HK3: variants seen among roughly 807,000 people sequenced by gnomAD.
HK3 encodes the protein hexokinase-3.
HK3 carries 93 observed loss-of-function variants against 91.0 expected under a neutral mutation model. That is an observed-to-expected ratio of 1.02 (90% confidence interval 0.86 to 1.21). The LOEUF is 1.21. HK3 is among the 50% of genes most tolerant of loss of function. The pLI is 0.00. For missense variants in HK3, 1,235 were observed against 1,247.4 expected, an observed-to-expected ratio of 0.99 and a Z score of 0.15; for synonymous variants, 519 against 516.9, an observed-to-expected ratio of 1.00 and a Z score of -0.06.
chr5:176,898,384 A>G (rs1758958130), intron 1 of HK3, among the ~76,000 whole-genome samples: 1 of 152,212 alleles, frequency 6.6e-6, no homozygotes, highest in African/African-American at 2.4e-5. Context: ...CTGAGTTTCC[A>G]AATCTGTCAA....
chr5:176,891,296 A>G, intron 3 of HK3, 92 bp downstream of exon 3: 1 of 1,607,586 alleles, frequency 6.2e-7, no homozygotes, highest in Non-Finnish European at 8.5e-7. Context: ...AAGGGGCCAT[A>G]GAGATGGGGG....
At position 176,887,895 on chromosome 5, in the gene HK3, C is replaced by T; in HGVS notation, c.1305-149G>A. On this transcript the variant is annotated intron_variant, in intron 10 of 18. Coordinates refer to ENST00000292432, the MANE Select transcript of HK3 (RefSeq NM_002115.3). This position sits in a 1 kb window ranked among gnomAD's most constrained non-coding sequence, Gnocchi z 4.9. ...GGCCTCCTGAAGCCCAAGGCCCCAT[C>T]ACTTTTTTTTTTTTATTTTTGTAGA... 1.4e-6 allele frequency: 1 copy of T among 707,412 alleles called. No homozygotes were observed. Among genetic ancestry groups the T allele is most frequent in the East Asian group, 2.7e-5 (1 of 36,368 alleles). 43.8% of individuals were successfully genotyped at this position (707,412 alleles called of 1,614,324 possible). A position where few individuals can be genotyped will look rare whatever the true frequency, so the allele number is the denominator to read the frequency against.
chr5:176,882,623 C>T (rs1367116826), intron 15 of HK3, among the ~76,000 whole-genome samples: 1 of 152,208 alleles, frequency 6.6e-6, no homozygotes, highest in Admixed American at 6.5e-5. Flanking sequence ...CTCTGTGCCC[C>T]CGTGGAAGCA....
Position 176,891,155 on chromosome 5 carries a change from G to A in HK3, c.296C>T (p.Thr99Ile), listed in dbSNP as rs774263133. ...CCACAAAACACGCAGTGAGGCCCCT[G>A]TGGCCCCCAGCTCCAGCACCACGAA... The part of the protein sequence containing the change: ...GDFVVLELGA[T>I]GASLRVLWVT... The change falls in exon 4 of 19, where the codon ACA becomes ATA. Residue 99 changes from threonine to isoleucine, a missense_variant. By Grantham distance (89) the Thr-to-Ile change is moderately conservative. Transcript: ENST00000292432. 3.1e-6 allele frequency: 5 copies of A among 1,614,030 alleles called. No individual in the cohort carries two copies. The highest frequency in any genetic ancestry group is 4.2e-6 in the Non-Finnish European group (5 of 1,180,050).
In HK3 at chr5:176,884,861, A is replaced by AG. The variant is rs1463486791; in HGVS notation, c.1858-728dup. Among the ~76,000 whole-genome samples the AG allele has an allele frequency of 1.3e-5, 2 of 152,222 alleles. No homozygotes were observed. The highest frequency in any genetic ancestry group is 2.9e-5 in the Non-Finnish European group (2 of 68,026). On this transcript the variant is annotated intron_variant, in intron 13 of 18. Transcript: ENST00000292432. This position sits in a 1 kb window ranked among gnomAD's most constrained non-coding sequence, Gnocchi z 4.1. ...TGCTTTGCTCAGAGGAGGAGCATGG[A>AG]GGGTAGGTCAGGAAATCTTTGGGGC...
chr5:176,889,749 A>T lies in HK3; in HGVS notation c.631-5T>A, dbSNP rs1758715535. 1 of 1,613,502 alleles carries T rather than the reference A, an allele frequency of 6.2e-7. No homozygotes were observed. The highest frequency in any genetic ancestry group is 8.5e-7 in the Non-Finnish European group (1 of 1,179,682). ...AACCACGTCGATGTTGTAGGCCTAG[A>T]TGATGAAGAGGGCAGAGGTCAAGGC... is the stretch of plus-strand genomic sequence containing the variant. On this transcript the variant is annotated splice_region_variant and splice_polypyrimidine_tract_variant and intron_variant, in intron 6 of 18. Transcript: ENST00000292432.
In HK3 at chr5:176,881,494, T is replaced by A. The variant is rs756806981; in HGVS notation, c.2435A>T (p.Asp812Val). 9.3e-6 allele frequency: 15 copies of A among 1,606,282 alleles called. 1 individual carries two copies. In the East Asian group the frequency reaches 2.7e-4, roughly 29 times the overall value. ...ALRQVRAILE[D>V]LGLPLTSDDA... ...ATCTGAGGTCAGGGGTAGCCCCAGATCCTCTAGGATGGCTCGGACCTGCCG... is the reference window on the plus strand; with the variant it reads ...ATCTGAGGTCAGGGGTAGCCCCAGAACCTCTAGGATGGCTCGGACCTGCCG... Residue 812 changes from aspartate (D) to valine (V), a missense_variant, in exon 18 of 19, where the codon GAT becomes GTT. Asp to Val is a radical substitution (Grantham distance 152). Around this residue, in one of 3 missense-constraint regions of HK3, gnomAD observed 513 missense variants for 477.4 expected, o/e 1.07. Coordinates refer to ENST00000292432, the MANE Select transcript of HK3 (RefSeq NM_002115.3).
chr5:176,896,053 G>A lies in HK3; in HGVS notation c.96+11C>T. On this transcript the variant is annotated intron_variant, in intron 2 of 18. Coordinates refer to ENST00000292432, the MANE Select transcript of HK3 (RefSeq NM_002115.3). The stretch of plus-strand genomic sequence containing the variant: ...GACAAGCATGAAACAGGAACCCAGT[G>A]CTGAACTTACCAGCTCTGAGCTGTC... 6.2e-7 allele frequency: 1 copy of A among 1,610,820 alleles called. No homozygotes were observed. The highest frequency in any genetic ancestry group is 8.5e-7 in the Non-Finnish European group (1 of 1,177,024).
At chr5:176,898,790 C>G (rs1758969363) in intron 1 of HK3, among the ~76,000 whole-genome samples, 1 of 152,192 alleles carries the variant, frequency 6.6e-6, no homozygotes. Context: ...AGTTTTCCTC[C>G]TGAAAAGTAC....
chr5:176,883,793 C>T lies in HK3; in HGVS notation c.2030G>A (p.Arg677His), dbSNP rs780995517. 49 of 1,613,856 alleles carry T rather than the reference C, an allele frequency of 3.0e-5. No homozygotes were observed. The highest frequency in any genetic ancestry group is 2.5e-4 in the Admixed American group (15 of 60,006). ...ACCGACAATGAGGCCTATCTCGCAA[C>T]GGGGGTCCTCATAGCCACAGGACAT... is the stretch of plus-strand genomic sequence containing the variant. ...TMMSCGYEDP[R>H]CEIGLIVGTG... Residue 677 changes from arginine to histidine, a missense_variant, in exon 15 of 19, where the codon CGT (arginine) becomes CAT (histidine). Coordinates refer to ENST00000292432, the MANE Select transcript of HK3 (RefSeq NM_002115.3).
In HK3 at chr5:176,891,100, C is replaced by G; in HGVS notation, c.351G>C (p.Arg117Ser). ...CAAACTCCTGGCTTCTGGGCTCCACCCTATGCCCCTCAATGCCAGTTAGAG... is the reference window on the plus strand; with the variant it reads ...CAAACTCCTGGCTTCTGGGCTCCACGCTATGCCCCTCAATGCCAGTTAGAG... ...WVTLTGIEGH[R>S]VEPRSQEFVI... is the part of the protein sequence containing the mutation. Residue 117 changes from arginine to serine, a missense_variant, in exon 4 of 19, where the codon AGG becomes AGC. Physicochemically the swap from Arg to Ser is moderately radical, Grantham distance 110 (BLOSUM62 -1). Transcript: ENST00000292432. The G allele has an allele frequency of 6.2e-7, 1 of 1,614,134 alleles. No individual in the cohort carries two copies. The highest frequency in any genetic ancestry group is 8.5e-7 in the Non-Finnish European group (1 of 1,180,044).
Position 176,887,282 on chromosome 5 carries a change from C to G in HK3, c.1656G>C (p.Leu552=). 6.2e-7 allele frequency: 1 copy of G among 1,614,026 alleles called. No individual in the cohort carries two copies. Among genetic ancestry groups the G allele is most frequent in the South Asian group, 1.1e-5 (1 of 91,076 alleles). Reference sequence around the variant, plus strand: ...TCTGCACGCCTGTGGTCACACGTACCAGGAGGACACGGAAGTTCGTGCCCC... The same window carrying G: ...TCTGCACGCCTGTGGTCACACGTACGAGGAGGACACGGAAGTTCGTGCCCC... The part of the protein sequence containing the change: ...DLGGTNFRVL[L]VRVTTGVQIT... The change falls in exon 12 of 19, where the codon CTG becomes CTC. Residue 552 remains leucine, a synonymous_variant. Coordinates refer to ENST00000292432, the MANE Select transcript of HK3 (RefSeq NM_002115.3). This position sits in a 1 kb window ranked among gnomAD's most constrained non-coding sequence, Gnocchi z 4.9.
Position 176,887,707 on chromosome 5 carries a change from G to C in HK3, c.1344C>G (p.Ala448=), listed in dbSNP as rs1420758897. The change falls in exon 11 of 19, where the codon GCC becomes GCG. Residue 448 remains alanine (A), a synonymous_variant. Transcript: ENST00000292432. The surrounding 1 kb of genome is among the most constrained non-coding windows in gnomAD (Gnocchi z 4.9). The part of the protein sequence containing the change: ...SVLQGTVMLL[A]PECDVSLIPS... ...GGATTAAGGAGACATCGCATTCCGG[G>C]GCCAGGAGCATCACTGTCCCCTGCA... 5 of 1,612,810 alleles carry C rather than the reference G, an allele frequency of 3.1e-6. 1 individual carries two copies. The South Asian group carries it at 3.3e-5, about 11-fold the overall frequency.
In HK3 at chr5:176,881,288, A is replaced by G; in HGVS notation, c.2627+14T>C. The G allele has an allele frequency of 6.2e-7, 1 of 1,613,530 alleles. No homozygotes were observed. Among genetic ancestry groups the G allele is most frequent in the Non-Finnish European group, 8.5e-7 (1 of 1,179,788 alleles). ...GGCCACACCTCCCTCCCCAGCCCGC[A>G]CACCCAGACTCACCGCGGGTGCAGC... On this transcript the variant is annotated intron_variant, in intron 18 of 18. Coordinates refer to ENST00000292432, the MANE Select transcript of HK3 (RefSeq NM_002115.3).
rs1408771879 is a variant in HK3, at chr5:176,881,423, C to T, written c.2506G>A (p.Ala836Thr). ...ACACCCGCCCCACAGAGCTGGGCAG[C>T]CCTCTGGGACACAGCCTGGCACACC... The part of the protein sequence containing the change: ...LEVCQAVSQR[A>T]AQLCGAGVAA... The change falls in exon 18 of 19, where the codon GCT becomes ACT. Residue 836 changes from alanine to threonine, a missense_variant. Physicochemically the swap from Ala to Thr is moderately conservative, Grantham distance 58. Transcript: ENST00000292432. 3 of 1,612,458 alleles carry T rather than the reference C, an allele frequency of 1.9e-6. No individual in the cohort carries two copies. Among genetic ancestry groups the T allele is most frequent in the Non-Finnish European group, 1.7e-6 (2 of 1,180,034 alleles).
intron 1 of HK3, among the ~76,000 whole-genome samples, chr5:176,898,309 GT>G (rs1478714011): frequency 6.6e-6 from 1 of 152,200 alleles, no homozygotes; most frequent in Admixed American, 6.5e-5. Flanking sequence ...GGAGTGGGTA[GT>G]TTTTTATTTA....
chr5:176,891,110 T>G lies in HK3; in HGVS notation c.341A>C (p.Glu114Ala), dbSNP rs1189093121. 6.2e-7 allele frequency: 1 copy of G among 1,614,070 alleles called. No homozygotes were observed. The highest frequency in any genetic ancestry group is 1.1e-5 in the South Asian group (1 of 91,078). The change falls in exon 4 of 19, where the codon GAG (glutamate) becomes GCG (alanine). Residue 114 changes from glutamate (E) to alanine (A), a missense_variant. Glu to Ala is a moderately radical substitution (Grantham distance 107, BLOSUM62 -1). Transcript: ENST00000292432. ...GCTTCTGGGCTCCACCCTATGCCCC[T>G]CAATGCCAGTTAGAGTCACCCACAA... ...RVLWVTLTGIEGHRVEPRSQE... is the reference protein window; with the variant it reads ...RVLWVTLTGIAGHRVEPRSQE...
rs1470273532 is a variant in HK3 at position 176,881,532 on chromosome 5, G to A, written c.2397C>T (p.Asp799=). ...KTKFLSEIES[D]SLALRQVRAI... Reference sequence around the variant, plus strand: ...CTCGGACCTGCCGCAGGGCCAGGCTGTCACTGGGGGCCAGGAAGGAAGAGA... The same window carrying A: ...CTCGGACCTGCCGCAGGGCCAGGCTATCACTGGGGGCCAGGAAGGAAGAGA... Residue 799 remains aspartate (D), a synonymous_variant, in exon 18 of 19, where the codon GAC becomes GAT. Transcript: ENST00000292432. The A allele has an allele frequency of 3.7e-6, 6 of 1,601,742 alleles. No homozygotes were observed. In the Admixed American group the frequency reaches 1.0e-4, roughly 27 times the overall value.
intron 18 of HK3, 36 bp downstream of exon 18, chr5:176,881,266 C>T (rs769463083): frequency 4.3e-6 from 7 of 1,613,388 alleles, no homozygotes; most frequent in Non-Finnish European, 5.9e-6. Flanking sequence ...CCCACCTGGC[C>T]ACACCTCCCT....
Sources: gnomAD v4.1 joint callset for allele counts (sites outside exome capture counted in the v4.1 genomes callset) on GRCh38, gnomAD v4.1.1 for gene constraint, gnomAD v4.1.1 regional missense constraint, Gnocchi (gnomAD v3.1) non-coding constraint, MANE v1.5 for transcripts, NCBI Gene and HGNC (gene_info 2026-07-23, HGNC 2026-07-21) for gene names.